The following SFMBT1 variants were observed in gnomAD, a reference collection of about 807,000 sequenced individuals.
The protein encoded by SFMBT1 is scm-like with four MBT domains protein 1.
SFMBT1 carries 32 observed loss-of-function variants against 108.7 expected under a neutral mutation model. The ratio of observed to expected loss-of-function variants is 0.29; its 90% confidence interval spans 0.22 to 0.40. SFMBT1 has a LOEUF of 0.40. SFMBT1 is among the 10% of genes least tolerant of loss of function. The pLI, the probability that SFMBT1 is intolerant of heterozygous loss-of-function variation, is 1.00. For missense variants in SFMBT1, 816 were observed against 1,059.6 expected (o/e 0.77, Z 3.19); for synonymous variants, 348 against 369.5 (o/e 0.94, Z 0.67).
At chr3:52,913,016 G>A (rs1048808123) in intron 15 of SFMBT1, among the ~76,000 whole-genome samples, 14 of 152,182 alleles carry the variant, frequency 9.2e-5, no homozygotes, top group Non-Finnish European at 1.9e-4. Context: ...GGAGGAGTCT[G>A]GTCCAGACGC....
chr3:52,990,467 T>C (rs990090793), intron 1 of SFMBT1, among the ~76,000 whole-genome samples: 3 of 152,172 alleles, frequency 2.0e-5, no homozygotes, highest in Non-Finnish European at 4.4e-5. Context: ...CAAATCTAAC[T>C]ATGCAAAGTC....
rs1055504422 is a variant in SFMBT1, at chr3:52,903,582, T to A, written c.*1554A>T. On this transcript the variant is annotated 3_prime_UTR_variant, in exon 21 of 21. Coordinates refer to ENST00000394752, the MANE Select transcript of SFMBT1 (RefSeq NM_016329.4). Reference sequence around the variant, plus strand: ...CACAATCAGTTAAAATTTGCTGTAATATTTCCTTATATTTGTAGAGCTGTT... The same window carrying A: ...CACAATCAGTTAAAATTTGCTGTAAAATTTCCTTATATTTGTAGAGCTGTT... 1 of 152,206 alleles carries A rather than the reference T, an allele frequency of 6.6e-6. No individual in the cohort carries two copies. Among genetic ancestry groups the A allele is most frequent in the African/African-American group, 2.4e-5 (1 of 41,446 alleles). 9.4% of individuals were successfully genotyped at this position (152,206 alleles called of 1,614,324 possible).
chr3:52,907,825 G>A, intron 17 of SFMBT1, 92 bp from the exon 18 acceptor site: 1 of 1,185,236 alleles, frequency 8.4e-7, no homozygotes, highest in South Asian at 1.5e-5. Context: ...GCAAAAAACA[G>A]GTACATTGTA....
intron 1 of SFMBT1, among the ~76,000 whole-genome samples, chr3:52,984,981 C>G (rs1184402710): frequency 6.6e-6 from 1 of 152,028 alleles, no homozygotes; most frequent in Admixed American, 6.6e-5. Context: ...TTCACTGTAC[C>G]AGAATATGTC....
rs770989703 is a variant in SFMBT1 at position 52,928,245 on chromosome 3, T to C, written c.994A>G (p.Ile332Val). ...TTCAGACTCCACTGCACAGGGAAGA[T>C]GCCAGGACTGTCGGCGTGGCACACA... ...SFVCHADSPG[I>V]FPVQWSLKNG... is the part of the protein sequence containing the mutation. The change falls in exon 9 of 21, where the codon ATC becomes GTC. Residue 332 changes from isoleucine (I) to valine (V), a missense_variant. Physicochemically the swap from Ile to Val is conservative, Grantham distance 29. Coordinates refer to ENST00000394752, the MANE Select transcript of SFMBT1 (RefSeq NM_016329.4). The C allele has an allele frequency of 1.6e-5, 26 of 1,614,056 alleles. No individual in the cohort carries two copies.
At chr3:53,045,355 T>G (rs1575460441) in intron 1 of SFMBT1, 1 of 137,526 alleles carries the variant, frequency 7.3e-6, no homozygotes, top group South Asian at 2.5e-4. Context: ...CCGCGGGGGC[T>G]CGGCGGGCGG....
chr3:52,958,813 A>G (rs566234990), intron 2 of SFMBT1, among the ~76,000 whole-genome samples: 29 of 152,318 alleles, frequency 1.9e-4, no homozygotes, highest in Admixed American at 3.9e-4. Flanking sequence ...TCTATTATGA[A>G]GATACATGCA....
intron 2 of SFMBT1, among the ~76,000 whole-genome samples, chr3:52,964,692 G>A (rs72961742): frequency 2.0e-5 from 3 of 152,136 alleles, no homozygotes; most frequent in African/African-American, 4.8e-5. Context: ...TTGCAAGTTT[G>A]GGGGGCAGGA....
At position 52,962,006 on chromosome 3, in the gene SFMBT1, A is replaced by C. The variant is rs557384979; in HGVS notation, c.28+7095T>G. The stretch of plus-strand genomic sequence containing the variant: ...ATATATGAGAGTTTATTAAAGAAAT[A>C]AATGCATAATCCTTAAATATATGAA... On this transcript the variant is annotated intron_variant, in intron 2 of 20. Transcript: ENST00000394752. Among the ~76,000 whole-genome samples the C allele has an allele frequency of 2.6e-5, 4 of 152,372 alleles. No homozygotes were observed. In the South Asian group the frequency reaches 8.3e-4, roughly 32 times the overall value.
chr3:53,033,803 C>G lies in SFMBT1; in HGVS notation c.-131+12013G>C, dbSNP rs1699768610. Among the ~76,000 whole-genome samples the G allele has an allele frequency of 2.0e-5, 3 of 151,134 alleles. No individual in the cohort carries two copies. The South Asian group carries it at 6.3e-4, about 32-fold the overall frequency. On this transcript the variant is annotated intron_variant, in intron 1 of 20. Coordinates refer to ENST00000394752, the MANE Select transcript of SFMBT1 (RefSeq NM_016329.4). ...AAAAAAAATCACCCTGGCGCAGTGG[C>G]TCACGCCTGTAATCCCAGCAGTTTG... is the stretch of plus-strand genomic sequence containing the variant.
intron 1 of SFMBT1, among the ~76,000 whole-genome samples, chr3:53,004,614 G>A (rs1192437638): frequency 6.7e-6 from 1 of 149,766 alleles, no homozygotes; most frequent in Non-Finnish European, 1.5e-5. Flanking sequence ...AATGACCTAG[G>A]TGGCTTTATT....
At chr3:52,910,121 C>T (rs1486786121) in intron 17 of SFMBT1, among the ~76,000 whole-genome samples, 1 of 152,092 alleles carries the variant, frequency 6.6e-6, no homozygotes, top group East Asian at 1.9e-4. Flanking sequence ...CAGCCTTCCT[C>T]ACTGTCCTAT....
In SFMBT1 at chr3:52,911,085, T is replaced by A; in HGVS notation, c.1824A>T (p.Glu608Asp). ...GTGGACCGAAGAGGTTAGGACAGCA[T>A]TCCAGTTTGATACAGGTTTGCCGGC... Reference protein sequence around the residue: ...EFCRQTCIKLECCPNLFGPRM... With the variant: ...EFCRQTCIKLDCCPNLFGPRM... Residue 608 changes from glutamate to aspartate, a missense_variant, in exon 17 of 21, where the codon GAA becomes GAT. This residue lies in a region of SFMBT1 where 79 missense variants were observed against 120.8 expected (regional missense o/e 0.65). Coordinates refer to ENST00000394752, the MANE Select transcript of SFMBT1 (RefSeq NM_016329.4). 1.2e-6 allele frequency: 2 copies of A among 1,614,168 alleles called. No individual in the cohort carries two copies. Among genetic ancestry groups the A allele is most frequent in the Non-Finnish European group, 1.7e-6 (2 of 1,180,022 alleles).
intron 1 of SFMBT1, among the ~76,000 whole-genome samples, chr3:53,044,404 A>ACAGAACTGTTTC (rs1294179227): frequency 9.2e-5 from 14 of 152,208 alleles, no homozygotes; most frequent in Non-Finnish European, 1.9e-4. Flanking sequence ...AACGGTAATA[A>ACAGAACTGTTTC]CAGAACTGTT....
rs554578365 is a variant in SFMBT1 at position 52,906,927 on chromosome 3, G to A, written c.2331+142C>T. ...GAAACACATGTAAATCACTGCATTT[G>A]GGGTCACTTTACAAGAGACCCTGGA... On this transcript the variant is annotated intron_variant, in intron 19 of 20. Coordinates refer to ENST00000394752, the MANE Select transcript of SFMBT1 (RefSeq NM_016329.4). The A allele has an allele frequency of 3.0e-5, 29 of 979,064 alleles. No homozygotes were observed. In the African/African-American group the frequency reaches 3.9e-4, roughly 13 times the overall value. The allele number at this position is 979,064 out of a possible 1,614,324, so 60.6% of individuals were successfully genotyped here.
chr3:52,975,077 T>C (rs1394854621), intron 1 of SFMBT1, among the ~76,000 whole-genome samples: 2 of 150,522 alleles, frequency 1.3e-5, no homozygotes, highest in Admixed American at 1.3e-4. Context: ...TCCATCTCAG[T>C]TGAATAAACT....
intron 1 of SFMBT1, among the ~76,000 whole-genome samples, chr3:53,026,749 A>G (rs528211384): frequency 6.6e-6 from 1 of 152,338 alleles, no homozygotes; most frequent in African/African-American, 2.4e-5. Flanking sequence ...ACAAAATTAA[A>G]TAATAGCTTA....
chr3:52,949,317 A>G (rs1488444469), intron 3 of SFMBT1, among the ~76,000 whole-genome samples: 1 of 152,132 alleles, frequency 6.6e-6, no homozygotes, highest in African/African-American at 2.4e-5. Context: ...GATGTCCATT[A>G]TATCCAGTTG....
chr3:52,928,601 C>CATACATATAT (rs1702737510), intron 8 of SFMBT1: 1 of 126,284 alleles, frequency 7.9e-6, no homozygotes, highest in African/African-American at 2.8e-5. Flanking sequence ...CATATATATA[C>CATACATATAT]ATATATACAT....
Sources: gnomAD v4.1 joint callset for allele counts (sites outside exome capture counted in the v4.1 genomes callset) on GRCh38, gnomAD v4.1.1 for gene constraint, gnomAD v4.1.1 regional missense constraint, MANE v1.5 for transcripts, NCBI Gene and HGNC (gene_info 2026-07-23, HGNC 2026-07-21) for gene names.